The following RARB variants were observed in gnomAD, a reference collection of about 807,000 sequenced individuals.
RARB encodes the protein retinoic acid receptor beta, also known as HBV-activated protein.
Under a neutral mutation model 51.9 loss-of-function variants are expected in RARB, and 17 were observed. The ratio of observed to expected loss-of-function variants is 0.33; its 90% CI spans 0.22 to 0.49. The LOEUF (loss-of-function observed/expected upper bound fraction) is 0.49, where lower values mean the gene tolerates loss of function less well. RARB is among the 20% of genes least tolerant of loss of function. The probability of loss-of-function intolerance (pLI) is 0.99; values close to 1 mark genes in which losing one functional copy is unlikely to be tolerated. For synonymous variants in RARB, 215 were observed against 195.4 expected (o/e 1.10, Z -0.84); for missense variants, 369 against 550.8 (o/e 0.67, Z 3.30).
intron 5 of RARB, among the ~76,000 whole-genome samples, chr3:25,343,476 A>G (rs114681300): frequency 0.033 from 5,023 of 151,348 alleles, 115 homozygotes; most frequent in Non-Finnish European, 0.048. Context: ...TACAAGCAGT[A>G]TTTCCTATAT....
At chr3:24,841,208 C>T (rs916304703) in intron 1 of RARB, among the ~76,000 whole-genome samples, 6 of 152,184 alleles carry the variant, frequency 3.9e-5, no homozygotes, top group Admixed American at 6.5e-5. Flanking sequence ...GGACGTTTTC[C>T]CATTTTTCCC....
intron 1 of RARB, among the ~76,000 whole-genome samples, chr3:24,841,718 C>T (rs79007286): frequency 0.023 from 3,521 of 152,186 alleles, 66 homozygotes; most frequent in Middle Eastern, 0.048. Context: ...TGGTTTACTA[C>T]TAATGAAATA....
intron 2 of RARB, among the ~76,000 whole-genome samples, chr3:25,038,072 C>G (rs894551365): frequency 1.4e-4 from 22 of 152,254 alleles, no homozygotes; most frequent in African/African-American, 5.1e-4. Flanking sequence ...TATCACTTAG[C>G]TATTAACTGT....
At chr3:25,239,617 A>T (rs953668276) in intron 5 of RARB, among the ~76,000 whole-genome samples, 1 of 152,152 alleles carries the variant, frequency 6.6e-6, no homozygotes, top group Non-Finnish European at 1.5e-5. Context: ...CTATATATAC[A>T]TAGATTTATT....
At chr3:25,110,891 A>G (rs993470989) in intron 3 of RARB, among the ~76,000 whole-genome samples, 1 of 152,202 alleles carries the variant, frequency 6.6e-6, no homozygotes, top group Non-Finnish European at 1.5e-5. Flanking sequence ...TATGTGAAAG[A>G]CACATAAAGC....
At chr3:25,150,600 G>A (rs575745516) in intron 4 of RARB, among the ~76,000 whole-genome samples, 2 of 152,242 alleles carry the variant, frequency 1.3e-5, no homozygotes, top group South Asian at 4.1e-4. Context: ...AAGAAATCCA[G>A]CCTACTTTTC....
At chr3:25,318,245 C>T (rs1335550804) in intron 5 of RARB, among the ~76,000 whole-genome samples, 1 of 152,172 alleles carries the variant, frequency 6.6e-6, no homozygotes, top group Non-Finnish European at 1.5e-5. Context: ...ATCACGATAG[C>T]TAGTGCAGTT....
At chr3:25,241,985 C>A (rs533628096) in intron 5 of RARB, among the ~76,000 whole-genome samples, 1 of 152,174 alleles carries the variant, frequency 6.6e-6, no homozygotes, top group Admixed American at 6.6e-5. Context: ...TGTTTCCTGA[C>A]TTTTTAATGA....
rs57197190 is a variant in RARB at position 25,230,966 on chromosome 3, G to A, written c.178+56391G>A. 2.4e-3 allele frequency among the ~76,000 whole-genome samples: 358 copies of A among 152,160 alleles called. 1 individual carries two copies. The highest frequency in any genetic ancestry group is 7.8e-3 in the African/African-American group (326 of 41,532). ...TTCATTTTTTGTTTTTTGTTATGCA[G>A]CACCAGATAACTAATACACTGAACA... On this transcript the variant is annotated intron_variant, in intron 5 of 11. Transcript: ENST00000383772.
chr3:24,850,994 G>A (rs1702547273), intron 1 of RARB, among the ~76,000 whole-genome samples: 1 of 152,216 alleles, frequency 6.6e-6, no homozygotes, highest in South Asian at 2.1e-4. Flanking sequence ...TATCCTTTCT[G>A]AAATGTTGAT....
At chr3:25,396,502 A>G (rs1241158030) in intron 5 of RARB, among the ~76,000 whole-genome samples, 4 of 152,166 alleles carry the variant, frequency 2.6e-5, no homozygotes, top group East Asian at 1.9e-4. Context: ...GCACTTTTGA[A>G]GAGAGCATCA....
intron 2 of RARB, among the ~76,000 whole-genome samples, chr3:25,024,096 C>G (rs752058754): frequency 6.6e-6 from 1 of 152,168 alleles, no homozygotes; most frequent in Non-Finnish European, 1.5e-5. Flanking sequence ...GCCATAATAA[C>G]ATGCTCTCCA....
At chr3:25,105,189 A>G (rs1488485631) in intron 3 of RARB, among the ~76,000 whole-genome samples, 1 of 152,108 alleles carries the variant, frequency 6.6e-6, no homozygotes, top group Admixed American at 6.5e-5. Context: ...CCCTCAGTTT[A>G]TACCACATAC....
At chr3:25,159,413 C>CCCA (rs1553638587) in intron 4 of RARB, among the ~76,000 whole-genome samples, 4 of 15,280 alleles carry the variant, frequency 2.6e-4, no homozygotes, top group Non-Finnish European at 9.7e-4. Context: ...AGATGATCCA[C>CCCA]CCCCCCCGCT....
At chr3:25,300,787 T>G (rs757576383) in intron 5 of RARB, among the ~76,000 whole-genome samples, 1 of 152,048 alleles carries the variant, frequency 6.6e-6, no homozygotes, top group African/African-American at 2.4e-5. Context: ...CTCAGGAGTT[T>G]GCGACCAGCC....
chr3:24,848,941 G>A (rs1702519370), intron 1 of RARB, among the ~76,000 whole-genome samples: 1 of 152,190 alleles, frequency 6.6e-6, no homozygotes, highest in South Asian at 2.1e-4. Context: ...TACTCACTTT[G>A]GACAGCCTTG....
chr3:24,834,294 C>A (rs1324448078), intron 1 of RARB, among the ~76,000 whole-genome samples: 1 of 152,134 alleles, frequency 6.6e-6, no homozygotes, highest in Admixed American at 6.5e-5. Context: ...ATTTCTACCA[C>A]TAAAAAAGAG....
chr3:25,213,399 G>A (rs1015958087), intron 5 of RARB, among the ~76,000 whole-genome samples: 1 of 151,716 alleles, frequency 6.6e-6, no homozygotes, highest in Non-Finnish European at 1.5e-5. Context: ...AGCTATGGTC[G>A]GTTCTTTTTC....
intron 5 of RARB, among the ~76,000 whole-genome samples, chr3:25,377,356 G>A (rs1706494905): frequency 6.6e-6 from 1 of 152,194 alleles, no homozygotes; most frequent in South Asian, 2.1e-4. Context: ...AAGGCAGACA[G>A]AGGAAGAAAC....
Sources: allele counts gnomAD v4.1 joint callset (sites outside exome capture counted in the v4.1 genomes callset), GRCh38; gene constraint gnomAD v4.1.1; transcripts MANE v1.5; gene names NCBI Gene and HGNC (gene_info 2026-07-23, HGNC 2026-07-21).